Variants in CHODL observed in about 807,000 individuals in gnomAD.
The protein encoded by CHODL is transmembrane protein MT75.
A neutral mutation model predicts 34.5 loss-of-function variants in CHODL; 29 were observed. That is an observed-to-expected ratio of 0.84 (90% CI 0.63 to 1.15). The LOEUF is 1.15. Among genes scored for constraint, CHODL ranks in the 50% most tolerant of loss-of-function variants. The probability of loss-of-function intolerance (pLI) is 0.00; values close to 1 mark genes in which losing one functional copy is unlikely to be tolerated. For synonymous variants in CHODL, 125 were observed against 116.1 expected (o/e 1.08, Z -0.49); for missense variants, 332 against 332.5 (o/e 1.00, Z 0.01).
chr21:18,161,519 C>T (rs1048008887), intron 2 of CHODL, among the ~76,000 whole-genome samples: 2 of 152,150 alleles, frequency 1.3e-5, no homozygotes, highest in Non-Finnish European at 2.9e-5. Context: ...CACTTCACAC[C>T]TTCCACTCTG....
At chr21:18,119,368 C>G (rs1244836713) in intron 2 of CHODL, among the ~76,000 whole-genome samples, 1 of 152,054 alleles carries the variant, frequency 6.6e-6, no homozygotes, top group African/African-American at 2.4e-5. Flanking sequence ...GGTTATCTAA[C>G]TAGTTGGGGG....
In CHODL at chr21:18,009,689, A is replaced by C. The variant is rs139619811; in HGVS notation, c.-144-18183A>C. ...GGATCACAAGGTCAGGAAATCGAGAACACCCTGGCTAACATGGTGAAACCC... is the reference window on the plus strand; with the variant it reads ...GGATCACAAGGTCAGGAAATCGAGACCACCCTGGCTAACATGGTGAAACCC... On this transcript the variant is annotated intron_variant, in intron 1 of 6. Transcript: ENST00000400127. Among the ~76,000 whole-genome samples, 1,030 of 152,002 alleles carry C rather than the reference A, an allele frequency of 6.8e-3. 5 individuals are homozygous for C. The highest frequency in any genetic ancestry group is 0.019 in the African/African-American group (774 of 41,452).
chr21:18,046,717 T>C (rs188918568), intron 2 of CHODL, among the ~76,000 whole-genome samples: 54 of 152,110 alleles, frequency 3.6e-4, no homozygotes, highest in African/African-American at 1.2e-3. Flanking sequence ...GTTACACATA[T>C]GTAATTGCTC....
intron 2 of CHODL, among the ~76,000 whole-genome samples, chr21:18,123,998 C>T (rs189087503): frequency 1.1e-3 from 169 of 152,128 alleles, no homozygotes; most frequent in African/African-American, 3.7e-3. Flanking sequence ...GCCTGGCCAA[C>T]GTGGTGAAAT....
At chr21:18,247,438 T>G (rs2897337) in intron 1 of CHODL, among the ~76,000 whole-genome samples, 10,716 of 152,162 alleles carry the variant, frequency 0.07, 1,238 homozygotes, top group African/African-American at 0.24. Flanking sequence ...ATTCTCCACA[T>G]AAATTATATT....
chr21:18,179,687 TC>T (rs1177993553), intron 2 of CHODL, among the ~76,000 whole-genome samples: 6 of 152,024 alleles, frequency 3.9e-5, no homozygotes, highest in Non-Finnish European at 8.8e-5. Flanking sequence ...TCCTTGTACT[TC>T]ACAGAGGACT....
At chr21:18,081,289 A>C (rs561751666) in intron 2 of CHODL, among the ~76,000 whole-genome samples, 1 of 152,256 alleles carries the variant, frequency 6.6e-6, no homozygotes, top group South Asian at 2.1e-4. Context: ...AACAAGGATC[A>C]TTTGACTTAC....
chr21:18,229,415 A>G (rs780159439), intron 2 of CHODL, among the ~76,000 whole-genome samples: 4 of 152,154 alleles, frequency 2.6e-5, no homozygotes, highest in Non-Finnish European at 4.4e-5. Context: ...TATATCTGGC[A>G]TTCTGAGATC....
At chr21:18,087,905 G>T (rs1197036240) in intron 2 of CHODL, among the ~76,000 whole-genome samples, 6 of 152,158 alleles carry the variant, frequency 3.9e-5, no homozygotes, top group Non-Finnish European at 5.9e-5. Context: ...AGGCTTGGCT[G>T]CAGAGGCCTC....
intron 5 of CHODL, among the ~76,000 whole-genome samples, chr21:18,265,249 GTATATATA>G (rs760474914): frequency 2.1e-5 from 3 of 141,396 alleles, no homozygotes; most frequent in South Asian, 4.3e-4. Context: ...ATATATATGT[GTATATATA>G]TGTGTATATA....
intron 3 of CHODL, among the ~76,000 whole-genome samples, chr21:18,258,308 G>A (rs1174094946): frequency 7.9e-5 from 12 of 151,768 alleles, no homozygotes; most frequent in Admixed American, 7.9e-4. Context: ...TTTTTCTCTT[G>A]GAGAAATATA....
chr21:18,251,429 T>TAAATGTG (rs2074237036), intron 1 of CHODL, among the ~76,000 whole-genome samples: 2 of 106,646 alleles, frequency 1.9e-5, no homozygotes, highest in African/African-American at 4.4e-5. Context: ...TTTTATTTAT[T>TAAATGTG]TATTTTAATA....
At chr21:18,102,533 T>C (rs1279319083) in intron 2 of CHODL, among the ~76,000 whole-genome samples, 1 of 152,192 alleles carries the variant, frequency 6.6e-6, no homozygotes, top group African/African-American at 2.4e-5. Context: ...ATTTAGAATT[T>C]ATTCTTTCAC....
chr21:18,216,496 T>A lies in CHODL; in HGVS notation c.-44-40013T>A, dbSNP rs923675122. On this transcript the variant is annotated intron_variant, in intron 2 of 6. Coordinates refer to the CHODL transcript ENST00000400127. ...CTACTCTCTACTTCTAGGAGATTCA[T>A]TTTTTTAGCTTCCAAATGTGAGTGA... Among the ~76,000 whole-genome samples, 6 of 151,380 alleles carry A rather than the reference T, an allele frequency of 4.0e-5. No homozygotes were observed. In the East Asian group the frequency reaches 5.8e-4, roughly 15 times the overall value.
chr21:18,232,318 A>G (rs956023932), intron 2 of CHODL, among the ~76,000 whole-genome samples: 3 of 152,092 alleles, frequency 2.0e-5, no homozygotes, highest in African/African-American at 7.2e-5. Context: ...TGTTATAACA[A>G]AAATATCATA....
intron 1 of CHODL, among the ~76,000 whole-genome samples, chr21:17,957,888 T>C (rs952724867): frequency 1.3e-5 from 2 of 151,834 alleles, no homozygotes; most frequent in African/African-American, 4.8e-5. Flanking sequence ...GCAGCCTTTT[T>C]TTTTTCTTTA....
intron 1 of CHODL, among the ~76,000 whole-genome samples, chr21:17,919,080 G>A (rs898340294): frequency 7.2e-5 from 11 of 152,170 alleles, no homozygotes; most frequent in Middle Eastern, 3.2e-3. Context: ...GTAAAGTCCC[G>A]CTCCTGGCTG....
At chr21:18,036,664 A>G (rs2064314654) in intron 2 of CHODL, among the ~76,000 whole-genome samples, 1 of 152,008 alleles carries the variant, frequency 6.6e-6, no homozygotes, top group Non-Finnish European at 1.5e-5. Context: ...ATATATTATC[A>G]TGAAGAAAAA....
At chr21:17,936,813 C>T (rs1394080280) in intron 1 of CHODL, among the ~76,000 whole-genome samples, 13 of 152,118 alleles carry the variant, frequency 8.5e-5, no homozygotes, top group Admixed American at 3.3e-4. Context: ...TGGTGGCTCA[C>T]GCCTTTAATC....
Sources: allele counts gnomAD v4.1 joint callset (sites outside exome capture counted in the v4.1 genomes callset), GRCh38; gene constraint gnomAD v4.1.1; transcripts MANE v1.5; gene names NCBI Gene and HGNC (gene_info 2026-07-23, HGNC 2026-07-21).